Variants in SYN3 observed in about 807,000 individuals in gnomAD.
SYN3 encodes the protein synapsin III.
Under a neutral mutation model 65.8 loss-of-function variants are expected in SYN3, and 35 were observed. The ratio of observed to expected loss-of-function variants is 0.53; its 90% CI spans 0.41 to 0.70. The LOEUF is 0.70. Among genes scored for constraint, SYN3 ranks in the 30% least tolerant of loss-of-function variants. The probability of loss-of-function intolerance (pLI) is 0.00; values close to 1 mark genes in which losing one functional copy is unlikely to be tolerated. For missense variants in SYN3, 680 were observed against 749.0 expected (o/e 0.91, Z 1.08); for synonymous variants, 270 against 292.9 (o/e 0.92, Z 0.80).
chr22:32,825,750 A>T (rs970221314), intron 6 of SYN3, among the ~76,000 whole-genome samples: 1 of 144,584 alleles, frequency 6.9e-6, no homozygotes, highest in African/African-American at 2.5e-5. Context: ...ATTTGTACAT[A>T]TGTGCATGTA....
intron 4 of SYN3, among the ~76,000 whole-genome samples, chr22:32,877,413 G>T (rs1231702559): frequency 1.3e-5 from 2 of 152,164 alleles, no homozygotes; most frequent in Non-Finnish European, 2.9e-5. Context: ...AAGCTTCACA[G>T]CCTGTTGGCT....
chr22:32,887,735 T>C lies in SYN3; in HGVS notation c.462-18610A>G, dbSNP rs1048372297. ...ATTCCCTTATGTGCATGTACCACAT[T>C]TTGTTTATTGTTCACGAGTTGACAG... On this transcript the variant is annotated intron_variant, in intron 4 of 13. Transcript: ENST00000358763. 4.1e-4 allele frequency among the ~76,000 whole-genome samples: 63 copies of C among 152,192 alleles called. 1 individual carries two copies. The highest frequency in any genetic ancestry group is 1.5e-3 in the African/African-American group (63 of 41,448).
intron 7 of SYN3, among the ~76,000 whole-genome samples, chr22:32,587,705 C>T (rs1015018065): frequency 2.6e-5 from 4 of 152,164 alleles, no homozygotes; most frequent in South Asian, 2.1e-4. Context: ...GAGCTGATGA[C>T]GGCAGCGAAC....
chr22:32,797,559 T>C (rs2046459042), intron 6 of SYN3, among the ~76,000 whole-genome samples: 1 of 152,134 alleles, frequency 6.6e-6, no homozygotes, highest in Non-Finnish European at 1.5e-5. Context: ...AACTTTTTAG[T>C]GCTACGATCC....
intron 6 of SYN3, among the ~76,000 whole-genome samples, chr22:32,618,399 G>GT (rs2059549804): frequency 6.6e-6 from 1 of 152,128 alleles, no homozygotes; most frequent in African/African-American, 2.4e-5. Context: ...CGGGCACAAG[G>GT]TTTGTCTATG....
chr22:32,519,694 C>G (rs2057843947), intron 12 of SYN3: 1 of 152,208 alleles, frequency 6.6e-6, no homozygotes, highest in Non-Finnish European at 1.5e-5. Flanking sequence ...AAGGTGCACT[C>G]TCCTAACCCT....
chr22:32,567,768 C>A (rs1356772322), intron 7 of SYN3, among the ~76,000 whole-genome samples: 6 of 152,104 alleles, frequency 3.9e-5, no homozygotes, highest in African/African-American at 1.4e-4. Flanking sequence ...GTCACACAGC[C>A]AGGAAGTGGG....
intron 6 of SYN3, among the ~76,000 whole-genome samples, chr22:32,703,638 TA>T (rs529566235): frequency 0.073 from 9,849 of 135,094 alleles, 624 homozygotes; most frequent in African/African-American, 0.18. Context: ...CTCCATCGCT[TA>T]AAAAAAAAAA....
intron 4 of SYN3, among the ~76,000 whole-genome samples, chr22:32,904,103 TAATA>T (rs2049837100): frequency 6.6e-6 from 1 of 152,212 alleles, no homozygotes; most frequent in Admixed American, 6.5e-5. Flanking sequence ...TAAAGGTGGG[TAATA>T]AATGAGACTT....
chr22:32,855,995 G>C (rs1667147517), intron 6 of SYN3, among the ~76,000 whole-genome samples: 1 of 152,318 alleles, frequency 6.6e-6, no homozygotes. Flanking sequence ...CAGACGCTCA[G>C]AAGAATAAAA....
intron 1 of SYN3, among the ~76,000 whole-genome samples, chr22:33,033,937 C>A (rs2145908077): frequency 6.6e-6 from 1 of 152,160 alleles, no homozygotes; most frequent in African/African-American, 2.4e-5. Flanking sequence ...ATAATCCCAG[C>A]ACTTTGGGAG....
At chr22:32,536,251 C>T (rs2058163269) in intron 9 of SYN3, among the ~76,000 whole-genome samples, 1 of 152,144 alleles carries the variant, frequency 6.6e-6, no homozygotes, top group Non-Finnish European at 1.5e-5. Flanking sequence ...TTCAGTCGTG[C>T]CAGGTCATGA....
chr22:32,965,147 G>A (rs1238146821), intron 3 of SYN3, among the ~76,000 whole-genome samples: 2 of 152,090 alleles, frequency 1.3e-5, no homozygotes, highest in Non-Finnish European at 2.9e-5. Context: ...TCTGTGGGGT[G>A]GTGATGAAAA....
At chr22:32,569,502 T>G (rs2058723545) in intron 7 of SYN3, among the ~76,000 whole-genome samples, 1 of 151,074 alleles carries the variant, frequency 6.6e-6, no homozygotes, top group Non-Finnish European at 1.5e-5. Flanking sequence ...GTATCTAAAA[T>G]GTATCATCTA....
chr22:33,042,843 TGA>T (rs895083799), intron 1 of SYN3, among the ~76,000 whole-genome samples: 4 of 152,132 alleles, frequency 2.6e-5, no homozygotes, highest in Non-Finnish European at 5.9e-5. Flanking sequence ...AACTGTGCCA[TGA>T]TTAGCTAAAG....
chr22:32,880,818 G>A (rs187478007), intron 4 of SYN3, among the ~76,000 whole-genome samples: 5 of 152,328 alleles, frequency 3.3e-5, no homozygotes, highest in East Asian at 3.9e-4. Context: ...TGCGCGTCTC[G>A]TAAACAGCCC....
chr22:32,863,333 C>A (rs1266116938), intron 6 of SYN3, among the ~76,000 whole-genome samples: 1 of 152,214 alleles, frequency 6.6e-6, no homozygotes, highest in East Asian at 1.9e-4. Context: ...GGTACAAGTA[C>A]CCCCAGACTG....
chr22:33,020,186 A>G (rs918224438), intron 1 of SYN3, among the ~76,000 whole-genome samples: 1 of 152,246 alleles, frequency 6.6e-6, no homozygotes, highest in African/African-American at 2.4e-5. Flanking sequence ...GAGGAGAAGT[A>G]TTCAGTTGAA....
In SYN3 at chr22:32,976,803, C is replaced by T. The variant is rs5998680; in HGVS notation, c.369+3842G>A. ...GGGGGAAGAGGATGGAGAGAAGGGG[C>T]GGAGGCTTCCTCTAGGCCAACCACA... On this transcript the variant is annotated intron_variant, in intron 3 of 13. Coordinates refer to ENST00000358763, the MANE Select transcript of SYN3 (RefSeq NM_003490.4). Among the ~76,000 whole-genome samples the T allele has an allele frequency of 9.3e-4, 142 of 152,208 alleles. 2 individuals are homozygous for T. The highest frequency in any genetic ancestry group is 3.2e-3 in the African/African-American group (133 of 41,520).
Sources: gnomAD v4.1 joint callset for allele counts (sites outside exome capture counted in the v4.1 genomes callset) on GRCh38, gnomAD v4.1.1 for gene constraint, MANE v1.5 for transcripts, NCBI Gene and HGNC (gene_info 2026-07-23, HGNC 2026-07-21) for gene names.